TRDN: variants seen among roughly 807,000 people sequenced by gnomAD.
TRDN encodes triadin in skeletal muscle.
TRDN carries 161 observed loss-of-function variants against 149.7 expected under a neutral mutation model. The observed-to-expected ratio is 1.08, with a 90% CI of 0.95 to 1.23. TRDN has a LOEUF of 1.23. TRDN is among the 50% of genes most tolerant of loss of function. The pLI, the probability that TRDN is intolerant of heterozygous loss-of-function variation, is 0.00. For synonymous variants in TRDN, 294 were observed against 250.5 expected, an observed-to-expected ratio of 1.17 and a Z score of -1.64; for missense variants, 896 against 823.5, an observed-to-expected ratio of 1.09 and a Z score of -1.08.
In TRDN at chr6:123,581,485, G is replaced by T. The variant is rs1783120506; in HGVS notation, c.23-10353C>A. Among the ~76,000 whole-genome samples, 4 of 152,144 alleles carry T rather than the reference G, an allele frequency of 2.6e-5. No homozygotes were observed. The East Asian group carries it at 7.7e-4, about 29-fold the overall frequency. ...AGGCCCCAATAGTTATTAAATATGA[G>T]AAATATTAGAAGTGTTGCTACAGGA... On this transcript the variant is annotated intron_variant, in intron 1 of 40. Coordinates refer to ENST00000334268, the MANE Select transcript of TRDN (RefSeq NM_006073.4).
At chr6:123,268,955 T>C (rs1227305779) in intron 31 of TRDN, among the ~76,000 whole-genome samples, 3 of 151,984 alleles carry the variant, frequency 2.0e-5, no homozygotes, top group Non-Finnish European at 4.4e-5. Context: ...CATTCATTTG[T>C]GCTATATAGC....
At chr6:123,508,370 T>C (rs1779023675) in intron 7 of TRDN, among the ~76,000 whole-genome samples, 1 of 152,144 alleles carries the variant, frequency 6.6e-6, no homozygotes, top group South Asian at 2.1e-4. Flanking sequence ...AAAAACTGTA[T>C]TTTAAGACAT....
intron 8 of TRDN, among the ~76,000 whole-genome samples, chr6:123,501,591 C>T (rs1778701928): frequency 6.6e-6 from 1 of 151,922 alleles, no homozygotes; most frequent in South Asian, 2.1e-4. Context: ...AATAAAATGA[C>T]ATATTTATAT....
intron 12 of TRDN, among the ~76,000 whole-genome samples, chr6:123,428,850 T>A (rs1774225569): frequency 6.6e-6 from 1 of 152,154 alleles, no homozygotes. Context: ...TTTGCTGAAG[T>A]CCTTGGAGAC....
intron 4 of TRDN, 116 bp from the exon 5 acceptor site, chr6:123,530,681 T>C: frequency 5.0e-6 from 3 of 598,832 alleles, no homozygotes; most frequent in Middle Eastern, 5.9e-4. Flanking sequence ...ATACAGTTAC[T>C]AACAAGTTTA....
At chr6:123,503,930 CT>C (rs1320506316) in intron 7 of TRDN, 29 bp from the exon 8 acceptor site, 6 of 1,517,062 alleles carry the variant, frequency 4.0e-6, no homozygotes. Flanking sequence ...TGTTGAAATA[CT>C]TTTGTTTATT....
chr6:123,368,281 T>C (rs1781192305), intron 19 of TRDN, among the ~76,000 whole-genome samples: 1 of 152,184 alleles, frequency 6.6e-6, no homozygotes, highest in Non-Finnish European at 1.5e-5. Context: ...GTTGCACCAC[T>C]CTCTACTCCT....
intron 32 of TRDN, 73 bp from the exon 33 acceptor site, chr6:123,265,411 A>G: frequency 1.0e-6 from 1 of 982,566 alleles, no homozygotes; most frequent in Non-Finnish European, 1.4e-6. Flanking sequence ...TCAGCCCTTT[A>G]TATTTCCTAT....
In TRDN at chr6:123,340,365, T is replaced by C. The variant is rs76016171; in HGVS notation, c.1370-2696A>G. On this transcript the variant is annotated intron_variant, in intron 21 of 40. Transcript: ENST00000334268. Reference sequence around the variant, plus strand: ...ATTATTTATTATTCATTGCTCTGAATGATCAAGTATAAATTCAGTTTTATC... The same window carrying C: ...ATTATTTATTATTCATTGCTCTGAACGATCAAGTATAAATTCAGTTTTATC... Among the ~76,000 whole-genome samples, 214 of 152,256 alleles carry C rather than the reference T, an allele frequency of 1.4e-3. 4 individuals are homozygous for C. In the East Asian group the frequency reaches 0.036, roughly 26 times the overall value.
intron 24 of TRDN, among the ~76,000 whole-genome samples, chr6:123,279,746 T>C (rs142114929): frequency 9.9e-5 from 15 of 152,252 alleles, no homozygotes; most frequent in African/African-American, 3.6e-4. Flanking sequence ...TTTGACCATA[T>C]TGATCACTTT....
chr6:123,460,928 C>T (rs1390700276), intron 10 of TRDN, among the ~76,000 whole-genome samples: 3 of 152,066 alleles, frequency 2.0e-5, no homozygotes, highest in Non-Finnish European at 4.4e-5. Context: ...CTTTTACAGC[C>T]TTTATGATTT....
intron 9 of TRDN, among the ~76,000 whole-genome samples, chr6:123,485,269 T>C (rs1777924724): frequency 6.6e-6 from 1 of 152,178 alleles, no homozygotes; most frequent in African/African-American, 2.4e-5. Context: ...CTTCTGTCTC[T>C]AGAGATATAA....
chr6:123,523,256 G>A (rs971701986), intron 5 of TRDN, among the ~76,000 whole-genome samples: 6 of 152,212 alleles, frequency 3.9e-5, no homozygotes, highest in African/African-American at 1.4e-4. Context: ...CAAAAAAAGT[G>A]CACAGTTATG....
At chr6:123,342,792 T>C (rs1461412480) in intron 21 of TRDN, among the ~76,000 whole-genome samples, 2 of 152,020 alleles carry the variant, frequency 1.3e-5, no homozygotes, top group African/African-American at 4.8e-5. Flanking sequence ...TTCCTAAAAG[T>C]GAACAGGGTG....
intron 20 of TRDN, among the ~76,000 whole-genome samples, chr6:123,362,835 T>C (rs1212276189): frequency 6.6e-6 from 1 of 152,164 alleles, no homozygotes; most frequent in East Asian, 1.9e-4. Flanking sequence ...TATTAACATT[T>C]AAAATTTTTC....
intron 40 of TRDN, 56 bp downstream of exon 40, chr6:123,221,431 A>G (rs978823978): frequency 5.4e-6 from 7 of 1,300,320 alleles, no homozygotes; most frequent in Non-Finnish European, 7.4e-6. Context: ...TTTTACATAG[A>G]TGTAGCATCT....
intron 9 of TRDN, among the ~76,000 whole-genome samples, chr6:123,485,160 C>G (rs1295556146): frequency 6.6e-6 from 1 of 152,126 alleles, no homozygotes; most frequent in African/African-American, 2.4e-5. Context: ...ATAATTAAGC[C>G]TAGGCTCGCT....
rs546801443 is a variant in TRDN at position 123,571,032 on chromosome 6, C to T, written c.123G>A (p.Val41=). The change falls in exon 2 of 41, where the codon GTG becomes GTA. Residue 41 remains valine, a synonymous_variant. Coordinates refer to ENST00000334268, the MANE Select transcript of TRDN (RefSeq NM_006073.4). ...AGGCTGCAGGGGAGCTGAACGTCGT[C>T]ACTATGTCTTCTGTGACTGTCCTCT... ...VLKRTVTEDI[V]TTFSSPAAWL... The T allele has an allele frequency of 1.2e-6, 2 of 1,614,012 alleles. No homozygotes were observed. The highest frequency in any genetic ancestry group is 4.5e-5 in the East Asian group (2 of 44,880).
chr6:123,321,101 G>T (rs922768665), intron 23 of TRDN, among the ~76,000 whole-genome samples: 3 of 152,130 alleles, frequency 2.0e-5, no homozygotes, highest in Non-Finnish European at 4.4e-5. Context: ...GGAAAACGTG[G>T]TGGCTGAGGA....
Sources: allele counts gnomAD v4.1 joint callset (sites outside exome capture counted in the v4.1 genomes callset), GRCh38; gene constraint gnomAD v4.1.1; transcripts MANE v1.5; gene names NCBI Gene and HGNC (gene_info 2026-07-23, HGNC 2026-07-21).